Variants in PRPF3 observed in about 807,000 individuals in gnomAD.
The protein encoded by PRPF3 is U4/U6 small nuclear ribonucleoprotein Prp3.
PRPF3 carries 3 observed loss-of-function variants against 89.2 expected under a neutral mutation model. The observed-to-expected ratio is 0.03, with a 90% CI of 0.02 to 0.09. PRPF3 has a LOEUF of 0.09. Ranked by LOEUF, PRPF3 falls within the 10% of genes least tolerant of loss-of-function variation. The pLI, the probability that PRPF3 is intolerant of heterozygous loss-of-function variation, is 1.00. For synonymous variants in PRPF3, 270 were observed against 289.1 expected (o/e 0.93, Z 0.67); for missense variants, 463 against 828.8 (o/e 0.56, Z 5.42).
chr1:150,332,149 G>T (rs374803340), intron 4 of PRPF3, among the ~76,000 whole-genome samples: 3 of 151,890 alleles, frequency 2.0e-5, no homozygotes, highest in Non-Finnish European at 4.4e-5. Context: ...GCATGAACCC[G>T]GGAGGCAGAG....
intron 1 of PRPF3, among the ~76,000 whole-genome samples, chr1:150,323,799 C>T (rs1196918088): frequency 6.8e-5 from 6 of 88,710 alleles, no homozygotes; most frequent in African/African-American, 2.2e-4. Context: ...TTTTTTGAGA[C>T]GGAGTCTTAC....
intron 1 of PRPF3, 78 bp from the exon 2 acceptor site, chr1:150,324,817 G>C: frequency 8.3e-7 from 1 of 1,201,816 alleles, no homozygotes; most frequent in Middle Eastern, 2.9e-4. Flanking sequence ...AAAGTGCTGG[G>C]ATTACAGGCA....
intron 13 of PRPF3, 115 bp from the exon 14 acceptor site, chr1:150,346,287 AAGGCCC>A: frequency 3.2e-6 from 4 of 1,245,832 alleles, no homozygotes; most frequent in Non-Finnish European, 4.7e-6. Context: ...TTTGGAGTAG[AAGGCCC>A]TAAGATGTGG....
chr1:150,348,460 A>ATTTTTTTTTTTTTTTTTTTTTTTTTTTTT lies in PRPF3; in HGVS notation c.1844-678_1844-677insTTTTTTTTTTTTTTTTTTTTTTTTTTTTT, dbSNP rs1185909509. On this transcript the variant is annotated intron_variant, in intron 14 of 15. Transcript: ENST00000324862. Reference sequence around the variant, plus strand: ...AAAAAATATTTTGTTCTACACGTGCATTTTTTTTTTTTTTTTTTTGAGATG... The same window carrying ATTTTTTTTTTTTTTTTTTTTTTTTTTTTT: ...AAAAAATATTTTGTTCTACACGTGCATTTTTTTTTTTTTTTTTTTTTTTTTTTTTTTTTTTTTTTTTTTTTTTTGAGATG... Among the ~76,000 whole-genome samples, 69 of 48,462 alleles carry ATTTTTTTTTTTTTTTTTTTTTTTTTTTTT rather than the reference A, an allele frequency of 1.4e-3. 26 individuals carry two copies. The highest frequency in any genetic ancestry group is 2.9e-3 in the African/African-American group (33 of 11,214). 31.8% of individuals were successfully genotyped at this position (48,462 alleles called of 152,430 possible). A position where few individuals can be genotyped will look rare whatever the true frequency, so the allele number is the denominator to read the frequency against.
intron 7 of PRPF3, among the ~76,000 whole-genome samples, chr1:150,337,878 C>T (rs1657225107): frequency 6.6e-6 from 1 of 152,006 alleles, no homozygotes; most frequent in African/African-American, 2.4e-5. Flanking sequence ...AGTTTGAGAC[C>T]AGGCTGAGCA....
chr1:150,347,442 C>T (rs898937597), intron 14 of PRPF3, among the ~76,000 whole-genome samples: 1 of 151,812 alleles, frequency 6.6e-6, no homozygotes, highest in Non-Finnish European at 1.5e-5. Context: ...GTCAAAAATG[C>T]ATTTAAGGCC....
intron 9 of PRPF3, among the ~76,000 whole-genome samples, chr1:150,340,937 C>G (rs907733706): frequency 6.6e-6 from 1 of 151,662 alleles, no homozygotes; most frequent in Admixed American, 6.6e-5. Flanking sequence ...AAAACCCCAT[C>G]TCTACAAAAA....
chr1:150,325,340 C>CT (rs1553863449), intron 2 of PRPF3, among the ~76,000 whole-genome samples: 1 of 152,056 alleles, frequency 6.6e-6, no homozygotes. Flanking sequence ...GTTAGATTTA[C>CT]TTAGGAAGTA....
chr1:150,345,796 G>A, intron 12 of PRPF3: 1 of 561,342 alleles, frequency 1.8e-6, no homozygotes, highest in Non-Finnish European at 3.2e-6. Context: ...GGTTAGTAAT[G>A]TAATGGTTAA....
At chr1:150,342,966 G>C (rs1399143199) in intron 9 of PRPF3, among the ~76,000 whole-genome samples, 1 of 152,180 alleles carries the variant, frequency 6.6e-6, no homozygotes, top group African/African-American at 2.4e-5. Flanking sequence ...ACTGTGTCCA[G>C]CCTAAAGTTT....
chr1:150,347,024 C>T (rs992191732), intron 14 of PRPF3, among the ~76,000 whole-genome samples: 2 of 151,828 alleles, frequency 1.3e-5, no homozygotes, highest in African/African-American at 4.8e-5. Flanking sequence ...TTGGGGAGGT[C>T]GAGGCTGCAG....
At chr1:150,338,386 CAAGTT>C in intron 8 of PRPF3, 60 bp downstream of exon 8, 1 of 1,486,330 alleles carries the variant, frequency 6.7e-7, no homozygotes, top group Non-Finnish European at 9.3e-7. Flanking sequence ...GTTTAAGACT[CAAGTT>C]AATACCTTTT....
At position 150,328,419 on chromosome 1, in the gene PRPF3, A is replaced by T; in HGVS notation, c.376A>T (p.Ile126Phe). The T allele has an allele frequency of 1.2e-6, 2 of 1,614,004 alleles. No individual in the cohort carries two copies. Among genetic ancestry groups the T allele is most frequent in the Non-Finnish European group, 1.7e-6 (2 of 1,180,004 alleles). ...FEEVEEEPEV[I>F]PGPPSESPGM... Reference sequence around the variant, plus strand: ...GGAGGTGGAAGAAGAGCCAGAGGTGATCCCTGGGCCTCCATCAGAGAGCCC... The same window carrying T: ...GGAGGTGGAAGAAGAGCCAGAGGTGTTCCCTGGGCCTCCATCAGAGAGCCC... Residue 126 changes from isoleucine (I) to phenylalanine (F), a missense_variant, in exon 4 of 16, where the codon ATC (isoleucine) becomes TTC (phenylalanine). Physicochemically the swap from Ile to Phe is conservative, Grantham distance 21. Around this residue, in one of 8 missense-constraint regions of PRPF3, gnomAD observed 28 missense variants for 48.1 expected, o/e 0.58. Coordinates refer to ENST00000324862, the MANE Select transcript of PRPF3 (RefSeq NM_004698.4).
chr1:150,345,973 G>A (rs1288785228), intron 12 of PRPF3, 45 bp from the exon 13 acceptor site: 2 of 1,467,414 alleles, frequency 1.4e-6, no homozygotes, highest in Non-Finnish European at 1.9e-6. Flanking sequence ...TCAGGCAGCT[G>A]CTGATGCTAA....
chr1:150,338,238 C>T lies in PRPF3; in HGVS notation c.1114C>T (p.Leu372Phe). The T allele has an allele frequency of 6.2e-7, 1 of 1,614,086 alleles. No individual in the cohort carries two copies. The highest frequency in any genetic ancestry group is 1.1e-5 in the South Asian group (1 of 91,084). Residue 372 changes from leucine to phenylalanine, a missense_variant, in exon 8 of 16, where the codon CTC becomes TTC. Physicochemically the swap from Leu to Phe is conservative, Grantham distance 22. Around this residue, in one of 8 missense-constraint regions of PRPF3, gnomAD observed 261 missense variants for 475.8 expected, o/e 0.55. Coordinates refer to ENST00000324862, the MANE Select transcript of PRPF3 (RefSeq NM_004698.4). ...TGIHTSTRLA[L>F]IAPKKELKEG... Reference sequence around the variant, plus strand: ...CATCCATACTTCGACTAGGCTTGCCCTCATTGCTCCTAAGAAGGAGCTAAA... The same window carrying T: ...CATCCATACTTCGACTAGGCTTGCCTTCATTGCTCCTAAGAAGGAGCTAAA...
chr1:150,338,254 A>C lies in PRPF3; in HGVS notation c.1130A>C (p.Lys377Thr). ...AGGCTTGCCCTCATTGCTCCTAAGA[A>C]GGAGCTAAAGGAAGGAGATATTCCT... Reference protein sequence around the residue: ...STRLALIAPKKELKEGDIPEI... With the variant: ...STRLALIAPKTELKEGDIPEI... Residue 377 changes from lysine to threonine, a missense_variant, in exon 8 of 16, where the codon AAG becomes ACG. Transcript: ENST00000324862. The C allele has an allele frequency of 6.2e-7, 1 of 1,614,092 alleles. No individual in the cohort carries two copies. The highest frequency in any genetic ancestry group is 8.5e-7 in the Non-Finnish European group (1 of 1,179,968).
intron 9 of PRPF3, 57 bp from the exon 10 acceptor site, chr1:150,343,243 AAAAAAATAT>A (rs1392141199): frequency 1.9e-3 from 1,873 of 968,156 alleles, no homozygotes; most frequent in Middle Eastern, 3.7e-3. Flanking sequence ...GAGAGAAAAA[AAAAAAATAT>A]ATATATATAT....
Position 150,346,091 on chromosome 1 carries a change from G to A in PRPF3, c.1714G>A (p.Val572Met). The A allele has an allele frequency of 1.2e-6, 2 of 1,614,232 alleles. No individual in the cohort carries two copies. Among genetic ancestry groups the A allele is most frequent in the Non-Finnish European group, 1.7e-6 (2 of 1,180,036 alleles). Reference protein sequence around the residue: ...ANAGQLYLTGVVVLHKDVNVV... With the variant: ...ANAGQLYLTGMVVLHKDVNVV... ...TGCTGGGCAACTGTACCTGACAGGG[G>A]TGGTGGTACTGCACAAGGATGTCAA... is the stretch of plus-strand genomic sequence containing the variant. Residue 572 changes from valine (V) to methionine (M), a missense_variant, in exon 13 of 16, where the codon GTG (valine) becomes ATG (methionine). By Grantham distance (21) the Val-to-Met change is conservative. Around this residue, in one of 8 missense-constraint regions of PRPF3, gnomAD observed 261 missense variants for 475.8 expected, o/e 0.55. Transcript: ENST00000324862.
intron 3 of PRPF3, chr1:150,327,483 G>T: frequency 1.5e-6 from 1 of 682,978 alleles, no homozygotes; most frequent in Non-Finnish European, 1.8e-6. Context: ...TGGGATACGG[G>T]TCCCATTTTT....
Sources: gnomAD v4.1 joint callset for allele counts (sites outside exome capture counted in the v4.1 genomes callset) on GRCh38, gnomAD v4.1.1 for gene constraint, gnomAD v4.1.1 regional missense constraint, MANE v1.5 for transcripts, NCBI Gene and HGNC (gene_info 2026-07-23, HGNC 2026-07-21) for gene names.